Variants in SRPRA observed in about 807,000 individuals in gnomAD.
The protein encoded by SRPRA is signal recognition particle receptor subunit alpha.
SRPRA carries 30 observed loss-of-function variants against 61.1 expected under a neutral mutation model. The ratio of observed to expected loss-of-function variants is 0.49; its 90% CI spans 0.37 to 0.67. SRPRA has a LOEUF of 0.67. Among genes scored for constraint, SRPRA ranks in the 30% least tolerant of loss-of-function variants. The pLI is 0.00. For missense variants in SRPRA, 759 were observed against 828.4 expected, an observed-to-expected ratio of 0.92 and a Z score of 1.03; for synonymous variants, 324 against 299.7, an observed-to-expected ratio of 1.08 and a Z score of -0.84.
At chr11:126,247,435 T>C in the SRPRA span, among the ~76,000 whole-genome samples, 1 of 152,224 alleles carries the variant, frequency 6.6e-6, no homozygotes, top group Admixed American at 6.5e-5. Context: ...CCTGGATTTT[T>C]TTCCCCCCAG....
chr11:126,256,739 G>A, the SRPRA span: 7 of 1,614,060 alleles, frequency 4.3e-6, no homozygotes, highest in Non-Finnish European at 5.9e-6. The surrounding 1 kb of genome is among the most constrained non-coding windows in gnomAD (Gnocchi z 6.6). Context: ...AAAAAGCTTC[G>A]AGAAAACATG....
the SRPRA span, chr11:126,250,476 C>A: frequency 6.6e-7 from 1 of 1,510,604 alleles, no homozygotes; most frequent in South Asian, 1.1e-5. The surrounding 1 kb of genome is among the most constrained non-coding windows in gnomAD (Gnocchi z 5.1). Flanking sequence ...GCACTTTGGA[C>A]TAATTTTCTT....
At chr11:126,266,742 T>C in intron 5 of SRPRA, 21 bp downstream of exon 5, 1 of 1,613,012 alleles carries the variant, frequency 6.2e-7, no homozygotes, top group Non-Finnish European at 8.5e-7. Flanking sequence ...ATTTTGAGAG[T>C]ACTGGAGAAA....
chr11:126,264,364 C>T lies in SRPRA; in HGVS notation c.1689+12G>A. 6.2e-7 allele frequency: 1 copy of T among 1,614,040 alleles called. No individual in the cohort carries two copies. The highest frequency in any genetic ancestry group is 2.2e-5 in the East Asian group (1 of 44,884). ...GCTCAAGTTGTAAAGGGAACTGGGC[C>T]CACGCTCTCACCAGCTGGTCCACGG... On this transcript the variant is annotated intron_variant, in intron 12 of 13. Coordinates refer to ENST00000332118, the MANE Select transcript of SRPRA (RefSeq NM_003139.4). The surrounding 1 kb of genome is among the most constrained non-coding windows in gnomAD (Gnocchi z 5.0).
rs896504634 is a variant in SRPRA, at chr11:126,265,592, A to T, written c.1138+145T>A. ...AGACGCACATTACAAGGACTAACTC[A>T]CTGAATCCTCTCAATAACCCTTAAA... On this transcript the variant is annotated intron_variant, in intron 9 of 13. Transcript: ENST00000332118. This position sits in a 1 kb window ranked among gnomAD's most constrained non-coding sequence, Gnocchi z 6.3. 91 of 1,214,362 alleles carry T rather than the reference A, an allele frequency of 7.5e-5. No individual in the cohort carries two copies. Among genetic ancestry groups the T allele is most frequent in the Non-Finnish European group, 1.0e-4 (88 of 858,290 alleles). The allele number at this position is 1,214,362 out of a possible 1,614,324, so 75.2% of individuals were successfully genotyped here.
chr11:126,252,202 G>C, the SRPRA span, among the ~76,000 whole-genome samples: 1 of 151,870 alleles, frequency 6.6e-6, no homozygotes, highest in East Asian at 1.9e-4. The surrounding 1 kb of genome is among the most constrained non-coding windows in gnomAD (Gnocchi z 4.7). Flanking sequence ...GGCCAGGCTG[G>C]TCTCGAACTC....
rs751176559 is a variant in SRPRA at position 126,267,689 on chromosome 11, T to G, written c.225A>C (p.Thr75=). The G allele has an allele frequency of 6.2e-7, 1 of 1,614,080 alleles. No homozygotes were observed. Among genetic ancestry groups the G allele is most frequent in the East Asian group, 2.2e-5 (1 of 44,892 alleles). ...VFVVGFQKIL[T]LTYVDKLIDD... ...CTATCAATTTGTCTACATATGTCAG[T>G]GTCAGGATCTTCTGAAAACCAACCT... Residue 75 remains threonine (T), a synonymous_variant, in exon 3 of 14, where the codon ACA becomes ACC. Transcript: ENST00000332118. This position sits in a 1 kb window ranked among gnomAD's most constrained non-coding sequence, Gnocchi z 4.2.
the SRPRA span, chr11:126,254,282 T>C: frequency 6.2e-7 from 1 of 1,609,394 alleles, no homozygotes; most frequent in Non-Finnish European, 8.5e-7. Flanking sequence ...CCAAGCTGGT[T>C]GGGCTATATG....
chr11:126,252,662 G>A, the SRPRA span, among the ~76,000 whole-genome samples: 2 of 152,098 alleles, frequency 1.3e-5, no homozygotes, highest in African/African-American at 4.8e-5. The surrounding 1 kb of genome is among the most constrained non-coding windows in gnomAD (Gnocchi z 4.7). Flanking sequence ...ACGATCGATT[G>A]AGCTGAGGCA....
chr11:126,267,525 T>G lies in SRPRA; in HGVS notation c.365+24A>C. On this transcript the variant is annotated intron_variant, in intron 3 of 13. Coordinates refer to ENST00000332118, the MANE Select transcript of SRPRA (RefSeq NM_003139.4). This position sits in a 1 kb window ranked among gnomAD's most constrained non-coding sequence, Gnocchi z 4.2. The stretch of plus-strand genomic sequence containing the variant: ...TCATCAAATCATGGAAATAAATTGA[T>G]TTTAGAGAAGGCAGGTCTCTCACCG... 1 of 1,612,920 alleles carries G rather than the reference T, an allele frequency of 6.2e-7. No homozygotes were observed. Among genetic ancestry groups the G allele is most frequent in the Non-Finnish European group, 8.5e-7 (1 of 1,179,404 alleles).
At chr11:126,252,046 G>A in the SRPRA span, among the ~76,000 whole-genome samples, 2 of 151,600 alleles carry the variant, frequency 1.3e-5, no homozygotes, top group Non-Finnish European at 2.9e-5. The surrounding 1 kb of genome is among the most constrained non-coding windows in gnomAD (Gnocchi z 4.7). Context: ...AAGTGCAATG[G>A]CATGATCTCA....
downstream of SRPRA, among the ~76,000 whole-genome samples, chr11:126,259,789 C>A (rs1013167659): frequency 2.0e-5 from 3 of 151,372 alleles, no homozygotes; most frequent in Non-Finnish European, 4.4e-5. Flanking sequence ...GGCGCAATCT[C>A]AGCTCACTGC....
chr11:126,258,332 A>G (rs1950613446), downstream of SRPRA, among the ~76,000 whole-genome samples: 1 of 152,208 alleles, frequency 6.6e-6, no homozygotes, highest in Non-Finnish European at 1.5e-5. Flanking sequence ...GTCTGCAGTG[A>G]GCTATGATTG....
Position 126,264,703 on chromosome 11 carries a change from C to T in SRPRA, c.1526-164G>A, listed in dbSNP as rs1950772151. The stretch of plus-strand genomic sequence containing the variant: ...AACTTGATTATATGCTTGGCCATCA[C>T]CAAACATATTCAGGAAAAGGAGGAC... On this transcript the variant is annotated intron_variant, in intron 11 of 13. Transcript: ENST00000332118. This position sits in a 1 kb window ranked among gnomAD's most constrained non-coding sequence, Gnocchi z 5.0. The T allele has an allele frequency of 1.1e-6, 1 of 869,772 alleles. No individual in the cohort carries two copies. Among genetic ancestry groups the T allele is most frequent in the Non-Finnish European group, 1.7e-6 (1 of 582,338 alleles). 53.9% of individuals were successfully genotyped at this position (869,772 alleles called of 1,614,324 possible). A position where few individuals can be genotyped will look rare whatever the true frequency, so the allele number is the denominator to read the frequency against.
chr11:126,241,187 C>A, the SRPRA span: 1 of 875,746 alleles, frequency 1.1e-6, no homozygotes, highest in Non-Finnish European at 1.7e-6. Context: ...TAACATTTGA[C>A]TCTTCTGCGC....
intron 1 of SRPRA, among the ~76,000 whole-genome samples, chr11:126,268,376 GT>G (rs1050666939): frequency 6.6e-5 from 10 of 152,292 alleles, no homozygotes; most frequent in African/African-American, 2.4e-4. Flanking sequence ...TTGTAAAGGT[GT>G]TTTCCCATCT....
the SRPRA span, chr11:126,257,001 A>G: frequency 2.6e-6 from 2 of 759,372 alleles, no homozygotes. Context: ...TTCAGGTTAG[A>G]CTAAAGTGCC....
downstream of SRPRA, among the ~76,000 whole-genome samples, chr11:126,259,946 T>C (rs191758437): frequency 8.3e-3 from 1,266 of 151,844 alleles, 10 homozygotes; most frequent in Middle Eastern, 0.014. Flanking sequence ...GGTCTCGATC[T>C]CCTGACCTCG....
chr11:126,247,682 A>AC, the SRPRA span, among the ~76,000 whole-genome samples: 1 of 151,628 alleles, frequency 6.6e-6, no homozygotes, highest in African/African-American at 2.4e-5. Context: ...ACATGGTGAA[A>AC]CCCATCTCTA....
Sources: allele counts gnomAD v4.1 joint callset (sites outside exome capture counted in the v4.1 genomes callset), GRCh38; gene constraint gnomAD v4.1.1; non-coding constraint Gnocchi (gnomAD v3.1); transcripts MANE v1.5; gene names NCBI Gene and HGNC (gene_info 2026-07-23, HGNC 2026-07-21).